Variants in MARCHF5 observed in about 807,000 individuals in gnomAD.
MARCHF5 encodes membrane associated ring-CH-type finger 5.
Under a neutral mutation model 36.5 loss-of-function variants are expected in MARCHF5, and 5 were observed. The ratio of observed to expected loss-of-function variants is 0.14; its 90% CI spans 0.07 to 0.29. The LOEUF is 0.29. Among genes scored for constraint, MARCHF5 ranks in the 10% least tolerant of loss-of-function variants. MARCHF5 has a pLI of 1.00. For synonymous variants in MARCHF5, 103 were observed against 109.9 expected (o/e 0.94, Z 0.39); for missense variants, 179 against 336.3 (o/e 0.53, Z 3.66).
At chr10:92,314,382 G>T (rs1050812572) in intron 2 of MARCHF5, among the ~76,000 whole-genome samples, 1 of 152,204 alleles carries the variant, frequency 6.6e-6, no homozygotes, top group African/African-American at 2.4e-5. Flanking sequence ...GGTGGCTCAC[G>T]CCTGTAATCC....
rs147929605 is a variant in MARCHF5 at position 92,318,403 on chromosome 10, G to T, written c.238+7066G>T. On this transcript the variant is annotated intron_variant, in intron 2 of 5. Transcript: ENST00000358935. Reference sequence around the variant, plus strand: ...AGAATGCCACTGGACTCCAGCCTGGGCAACTGGAGTGAGACCCTGTCTCAA... The same window carrying T: ...AGAATGCCACTGGACTCCAGCCTGGTCAACTGGAGTGAGACCCTGTCTCAA... Among the ~76,000 whole-genome samples, 199 of 147,684 alleles carry T rather than the reference G, an allele frequency of 1.3e-3. 1 individual carries two copies. Among genetic ancestry groups the T allele is most frequent in the Non-Finnish European group, 1.8e-3 (119 of 67,282 alleles).
At chr10:92,332,515 C>T (rs1590662321) in intron 2 of MARCHF5, among the ~76,000 whole-genome samples, 10 of 95,930 alleles carry the variant, frequency 1.0e-4, no homozygotes, top group South Asian at 3.6e-4. Context: ...ATTCCCCATC[C>T]TTTTTTTTTT....
At chr10:92,321,107 A>G (rs562861769) in intron 2 of MARCHF5, among the ~76,000 whole-genome samples, 2 of 152,226 alleles carry the variant, frequency 1.3e-5, no homozygotes, top group South Asian at 2.1e-4. Flanking sequence ...AGTAGGCTAT[A>G]CCATATAGCC....
intron 2 of MARCHF5, among the ~76,000 whole-genome samples, chr10:92,317,995 C>G (rs1843233852): frequency 6.6e-6 from 1 of 152,298 alleles, no homozygotes; most frequent in East Asian, 1.9e-4. Flanking sequence ...AGGTGATCCA[C>G]CCGCCTAAGC....
intron 2 of MARCHF5, among the ~76,000 whole-genome samples, chr10:92,320,529 A>G (rs1177745042): frequency 6.6e-6 from 1 of 152,194 alleles, no homozygotes; most frequent in East Asian, 1.9e-4. Context: ...AGATGTAGAG[A>G]TGGAAGACAA....
intron 2 of MARCHF5, among the ~76,000 whole-genome samples, chr10:92,316,827 A>G (rs922374528): frequency 2.0e-5 from 3 of 152,098 alleles, no homozygotes; most frequent in Non-Finnish European, 2.9e-5. Context: ...TGGCCTTCCA[A>G]AGTACTGAGA....
intron 2 of MARCHF5, among the ~76,000 whole-genome samples, chr10:92,318,205 T>C (rs1843237691): frequency 6.6e-6 from 1 of 152,034 alleles, no homozygotes; most frequent in Non-Finnish European, 1.5e-5. Context: ...GGCAGGCAGA[T>C]TGCTTGAGTG....
chr10:92,301,030 T>G (rs1590645366), intron 1 of MARCHF5, among the ~76,000 whole-genome samples: 1 of 151,686 alleles, frequency 6.6e-6, no homozygotes, highest in South Asian at 2.1e-4. Context: ...GGATTACAGG[T>G]GTGTGCCATC....
intron 2 of MARCHF5, among the ~76,000 whole-genome samples, chr10:92,319,367 C>G (rs1005079403): frequency 2.0e-5 from 3 of 150,498 alleles, no homozygotes; most frequent in African/African-American, 7.3e-5. Context: ...GCGATCTCGA[C>G]TCACTGCAAG....
intron 2 of MARCHF5, among the ~76,000 whole-genome samples, chr10:92,331,836 T>C (rs1215687764): frequency 6.7e-6 from 1 of 148,546 alleles, no homozygotes; most frequent in African/African-American, 2.4e-5. Flanking sequence ...CTATGTACCA[T>C]ATATATTTTC....
intron 1 of MARCHF5, 130 bp downstream of exon 1, chr10:92,291,659 G>T (rs1842867890): frequency 2.6e-5 from 35 of 1,363,474 alleles, no homozygotes; most frequent in Non-Finnish European, 3.3e-5. Flanking sequence ...GGGGCCGTGA[G>T]AGGGGCAAAA....
rs563360597 is a variant in MARCHF5 at position 92,316,816 on chromosome 10, T to C, written c.238+5479T>C. 5.9e-4 allele frequency among the ~76,000 whole-genome samples: 90 copies of C among 152,196 alleles called. 1 individual carries two copies. Among genetic ancestry groups the C allele is most frequent in the Middle Eastern group, 3.4e-3 (1 of 294 alleles). Reference sequence around the variant, plus strand: ...CAAGGGATCCCCCTCCCAAACCCCGTTGGCCTTCCAAAGTACTGAGAATGT... The same window carrying C: ...CAAGGGATCCCCCTCCCAAACCCCGCTGGCCTTCCAAAGTACTGAGAATGT... On this transcript the variant is annotated intron_variant, in intron 2 of 5. Coordinates refer to ENST00000358935, the MANE Select transcript of MARCHF5 (RefSeq NM_017824.5).
rs1280123254 is a variant in MARCHF5, at chr10:92,291,453, C to T, written c.-42C>T. 4.7e-6 allele frequency: 7 copies of T among 1,501,802 alleles called. No homozygotes were observed. Among genetic ancestry groups the T allele is most frequent in the Non-Finnish European group, 6.3e-6 (7 of 1,103,070 alleles). The allele number at this position is 1,501,802 out of a possible 1,614,324, so 93.0% of individuals were successfully genotyped here. On this transcript the variant is annotated 5_prime_UTR_variant, in exon 1 of 6. Transcript: ENST00000358935. ...TATTGTCCCTGGGCCTGGCCTTGAG[C>T]GGGTCCACTGGGGAAGGCCGTGTGC...
chr10:92,321,196 C>A (rs982008976), intron 2 of MARCHF5, among the ~76,000 whole-genome samples: 34 of 152,130 alleles, frequency 2.2e-4, no homozygotes, highest in African/African-American at 7.7e-4. Context: ...CACATTTATC[C>A]CTGTGTGTGG....
intron 2 of MARCHF5, among the ~76,000 whole-genome samples, chr10:92,314,948 A>G (rs895304678): frequency 6.6e-6 from 1 of 152,006 alleles, no homozygotes; most frequent in Non-Finnish European, 1.5e-5. Context: ...TATATTCACA[A>G]TTTTCCATGC....
intron 2 of MARCHF5, chr10:92,333,660 G>A (rs1843466631): frequency 4.1e-6 from 4 of 985,206 alleles, no homozygotes; most frequent in Non-Finnish European, 4.8e-6. Context: ...TGTAAAGGAA[G>A]CCTCATGGGA....
At chr10:92,307,441 T>C (rs928035883) in intron 1 of MARCHF5, among the ~76,000 whole-genome samples, 4 of 152,132 alleles carry the variant, frequency 2.6e-5, no homozygotes, top group Non-Finnish European at 5.9e-5. Flanking sequence ...TCTTTAGAAC[T>C]TAACATATTT....
chr10:92,337,943 G>A (rs538542789), intron 2 of MARCHF5, among the ~76,000 whole-genome samples: 1 of 151,894 alleles, frequency 6.6e-6, no homozygotes, highest in African/African-American at 2.4e-5. Flanking sequence ...GGAAACTGAA[G>A]TGGGAGGATT....
chr10:92,327,308 C>CTT lies in MARCHF5; in HGVS notation c.239-13354_239-13353dup, dbSNP rs200392421. Reference sequence around the variant, plus strand: ...CCATTTTGTATTCATATATGAAGAGCTTTTTTTTTTTTCTATTAAAAGTAG... The same window carrying CTT: ...CCATTTTGTATTCATATATGAAGAGCTTTTTTTTTTTTTTCTATTAAAAGTAG... On this transcript the variant is annotated intron_variant, in intron 2 of 5. Transcript: ENST00000358935. 5.7e-3 allele frequency among the ~76,000 whole-genome samples: 804 copies of CTT among 140,290 alleles called. 11 individuals carry two copies. The highest frequency in any genetic ancestry group is 0.019 in the African/African-American group (741 of 38,428). 92.0% of individuals were successfully genotyped at this position (140,290 alleles called of 152,430 possible).
Sources: allele counts gnomAD v4.1 joint callset (sites outside exome capture counted in the v4.1 genomes callset), GRCh38; gene constraint gnomAD v4.1.1; transcripts MANE v1.5; gene names NCBI Gene and HGNC (gene_info 2026-07-23, HGNC 2026-07-21).